The following GALNT15 variants were observed in gnomAD, a reference collection of about 807,000 sequenced individuals.
GALNT15 encodes the protein UDP-GalNAc transferase T15.
Under a neutral mutation model 66.8 loss-of-function variants are expected in GALNT15, and 67 were observed. The ratio of observed to expected loss-of-function variants is 1.00; its 90% CI spans 0.82 to 1.23. GALNT15 has a LOEUF of 1.23. Among genes scored for constraint, GALNT15 ranks in the 50% most tolerant of loss-of-function variants. The pLI, the probability that GALNT15 is intolerant of heterozygous loss-of-function variation, is 0.00. For synonymous variants in GALNT15, 313 were observed against 311.5 expected (o/e 1.00, Z -0.05); for missense variants, 827 against 804.3 (o/e 1.03, Z -0.34).
At chr3:16,208,774 T>TA in intron 4 of GALNT15, 104 bp downstream of exon 4, 1 of 1,012,040 alleles carries the variant, frequency 9.9e-7, no homozygotes, top group African/African-American at 1.6e-5. Flanking sequence ...CCTAGTAAAT[T>TA]ACTTAATGTA....
downstream of GALNT15, chr3:16,231,981 A>T: frequency 6.8e-7 from 1 of 1,477,690 alleles, no homozygotes; most frequent in Non-Finnish European, 8.9e-7. The surrounding 1 kb of genome is among the most constrained non-coding windows in gnomAD (Gnocchi z 4.1). Flanking sequence ...AATAAAATCC[A>T]GAAAAACTGG....
Position 16,227,313 on chromosome 3 carries a change from G to A in GALNT15, c.1774-41G>A. 1.3e-6 allele frequency: 2 copies of A among 1,589,392 alleles called. No individual in the cohort carries two copies. The highest frequency in any genetic ancestry group is 1.8e-5 in the Admixed American group (1 of 55,064). The stretch of plus-strand genomic sequence containing the variant: ...ATATTTTCTTTTGCTGACTGATTGT[G>A]GGGGACTGGTTTTCTTTTCTTTTTT... On this transcript the variant is annotated intron_variant, in intron 9 of 9. Coordinates refer to ENST00000339732, the MANE Select transcript of GALNT15 (RefSeq NM_054110.5). This position sits in a 1 kb window ranked among gnomAD's most constrained non-coding sequence, Gnocchi z 4.5.
chr3:16,231,085 T>C (rs2064077072), downstream of GALNT15, among the ~76,000 whole-genome samples: 3 of 140,552 alleles, frequency 2.1e-5, no homozygotes, highest in South Asian at 6.6e-4. This position sits in a 1 kb window ranked among gnomAD's most constrained non-coding sequence, Gnocchi z 4.1. Context: ...TACATGGGAA[T>C]TGGACAATGA....
rs568354750 is a variant in GALNT15, at chr3:16,180,785, C to G, written c.539+5095C>G. Among the ~76,000 whole-genome samples the G allele has an allele frequency of 6.6e-6, 1 of 152,358 alleles. No individual in the cohort carries two copies. The highest frequency in any genetic ancestry group is 1.9e-4 in the East Asian group (1 of 5,188). ...AACATAAATGTCAACTCAGCGGTAGCTGGCTGTGTGCTACCTGCTTTTAAC... is the reference window on the plus strand; with the variant it reads ...AACATAAATGTCAACTCAGCGGTAGGTGGCTGTGTGCTACCTGCTTTTAAC... On this transcript the variant is annotated intron_variant, in intron 1 of 9. Coordinates refer to ENST00000339732, the MANE Select transcript of GALNT15 (RefSeq NM_054110.5). This position sits in a 1 kb window ranked among gnomAD's most constrained non-coding sequence, Gnocchi z 5.0.
chr3:16,231,153 TG>T (rs924238438), downstream of GALNT15, among the ~76,000 whole-genome samples: 3 of 32,164 alleles, frequency 9.3e-5, no homozygotes, highest in Middle Eastern at 0.026. The surrounding 1 kb of genome is among the most constrained non-coding windows in gnomAD (Gnocchi z 4.1). Context: ...GGGTGGGGGG[TG>T]GGGGGCAAGG....
rs1187098860 is a variant in GALNT15, at chr3:16,175,355, A to C, written c.204A>C (p.Val68=). 2 of 1,614,174 alleles carry C rather than the reference A, an allele frequency of 1.2e-6. No individual in the cohort carries two copies. The highest frequency in any genetic ancestry group is 1.7e-5 in the Admixed American group (1 of 60,026). Residue 68 remains valine (V), a synonymous_variant, in exon 1 of 10, where the codon GTA becomes GTC. Transcript: ENST00000339732. The surrounding 1 kb of genome is among the most constrained non-coding windows in gnomAD (Gnocchi z 5.6). The part of the protein sequence containing the change: ...RLDFGESQDW[V]LEAEDEGEEY... ...ACTTTGGGGAATCCCAGGATTGGGTACTGGAAGCTGAGGATGAGGGTGAAG... is the reference window on the plus strand; with the variant it reads ...ACTTTGGGGAATCCCAGGATTGGGTCCTGGAAGCTGAGGATGAGGGTGAAG...
Position 16,176,704 on chromosome 3 carries a change from G to A in GALNT15, c.539+1014G>A, listed in dbSNP as rs996059854. On this transcript the variant is annotated intron_variant, in intron 1 of 9. Transcript: ENST00000339732. This position sits in a 1 kb window ranked among gnomAD's most constrained non-coding sequence, Gnocchi z 5.6. ...TGTTAGTTTTAGTTTGGTGATTTAGGTCCCTTTTCCTATAGGCCATTGCTC... is the reference window on the plus strand; with the variant it reads ...TGTTAGTTTTAGTTTGGTGATTTAGATCCCTTTTCCTATAGGCCATTGCTC... Among the ~76,000 whole-genome samples, 25 of 152,144 alleles carry A rather than the reference G, an allele frequency of 1.6e-4. No homozygotes were observed. The highest frequency in any genetic ancestry group is 8.8e-5 in the Non-Finnish European group (6 of 68,028).
At position 16,181,482 on chromosome 3, in the gene GALNT15, G is replaced by A. The variant is rs2047975; in HGVS notation, c.539+5792G>A. Reference sequence around the variant, plus strand: ...AGGGGTCAGAGGGAAGGGCAGGGGCGGGAGAGTCGCCTTGGCTGCAGCTTT... The same window carrying A: ...AGGGGTCAGAGGGAAGGGCAGGGGCAGGAGAGTCGCCTTGGCTGCAGCTTT... On this transcript the variant is annotated intron_variant, in intron 1 of 9. Coordinates refer to ENST00000339732, the MANE Select transcript of GALNT15 (RefSeq NM_054110.5). This position sits in a 1 kb window ranked among gnomAD's most constrained non-coding sequence, Gnocchi z 5.9. Among the ~76,000 whole-genome samples the A allele has an allele frequency of 0.21, 31,997 of 151,878 alleles. 3,589 individuals are homozygous for A. The highest frequency in any genetic ancestry group is 0.26 in the Non-Finnish European group (17,445 of 67,960).
intron 6 of GALNT15, among the ~76,000 whole-genome samples, chr3:16,216,677 G>C (rs866945546): frequency 1.3e-5 from 2 of 152,172 alleles, no homozygotes; most frequent in African/African-American, 2.4e-5. Context: ...TTCCCCTGGC[G>C]GGGGCTGTTC....
downstream of GALNT15, among the ~76,000 whole-genome samples, chr3:16,232,495 T>A (rs1479716901): frequency 9.9e-4 from 85 of 86,106 alleles, 3 homozygotes; most frequent in African/African-American, 2.4e-3. Flanking sequence ...TATATATATA[T>A]ATATATATAT....
intron 1 of GALNT15, among the ~76,000 whole-genome samples, chr3:16,179,051 G>A (rs901674521): frequency 2.6e-5 from 4 of 152,216 alleles, no homozygotes; most frequent in African/African-American, 7.2e-5. Flanking sequence ...GTTTGAATAG[G>A]TGGCATTTGA....
At chr3:16,232,976 T>G (rs1325097315), downstream of GALNT15, among the ~76,000 whole-genome samples, 1 of 151,966 alleles carries the variant, frequency 6.6e-6, no homozygotes, top group Non-Finnish European at 1.5e-5. Context: ...AAATTGTTAC[T>G]TAGAGCTCAG....
intron 3 of GALNT15, among the ~76,000 whole-genome samples, chr3:16,206,262 A>G (rs1323954380): frequency 6.6e-6 from 1 of 152,024 alleles, no homozygotes; most frequent in East Asian, 1.9e-4. Flanking sequence ...TCATGCCTGT[A>G]GTCCCAGCTA....
At chr3:16,190,719 T>G (rs1041554840) in intron 1 of GALNT15, among the ~76,000 whole-genome samples, 9 of 151,962 alleles carry the variant, frequency 5.9e-5, no homozygotes, top group African/African-American at 2.2e-4. Context: ...CACAAGACTT[T>G]GTCAAATTTG....
At chr3:16,240,261 C>T in the GALNT15 span, among the ~76,000 whole-genome samples, 2 of 132,170 alleles carry the variant, frequency 1.5e-5, no homozygotes, top group Non-Finnish European at 3.4e-5. Context: ...CTTAGGATTA[C>T]TTTGCAGATT....
At chr3:16,190,654 A>AG (rs1167417700) in intron 1 of GALNT15, among the ~76,000 whole-genome samples, 3 of 151,738 alleles carry the variant, frequency 2.0e-5, no homozygotes, top group Non-Finnish European at 4.4e-5. Flanking sequence ...AAAAAAAAAA[A>AG]AAAGAAACAA....
intron 2 of GALNT15, among the ~76,000 whole-genome samples, chr3:16,197,310 G>C (rs1203110776): frequency 6.6e-6 from 1 of 152,162 alleles, no homozygotes; most frequent in Non-Finnish European, 1.5e-5. Flanking sequence ...CCCCCTCCTG[G>C]CCAACTCCCC....
intron 4 of GALNT15, 41 bp downstream of exon 4, chr3:16,208,711 A>G: frequency 6.3e-7 from 1 of 1,592,264 alleles, no homozygotes; most frequent in Non-Finnish European, 8.6e-7. Flanking sequence ...TTGCCTCCTC[A>G]GGATGGACTC....
intron 6 of GALNT15, among the ~76,000 whole-genome samples, chr3:16,217,364 C>A (rs1363939148): frequency 6.6e-6 from 1 of 152,148 alleles, no homozygotes; most frequent in African/African-American, 2.4e-5. Context: ...TAGCAGAGGG[C>A]TCCTTTTATT....
Sources: allele counts gnomAD v4.1 joint callset (sites outside exome capture counted in the v4.1 genomes callset), GRCh38; gene constraint gnomAD v4.1.1; non-coding constraint Gnocchi (gnomAD v3.1); transcripts MANE v1.5; gene names NCBI Gene and HGNC (gene_info 2026-07-23, HGNC 2026-07-21).